Variants in GRIK1 observed in about 807,000 individuals in gnomAD.
GRIK1 encodes glutamate ionotropic receptor kainate type subunit 1.
GRIK1 carries 69 observed loss-of-function variants against 105.7 expected under a neutral mutation model. The observed-to-expected ratio is 0.65, with a 90% CI of 0.54 to 0.80. The LOEUF (loss-of-function observed/expected upper bound fraction) is 0.80. GRIK1 is among the 30% of genes least tolerant of loss of function. The pLI is 0.00. For missense variants in GRIK1, 1,109 were observed against 1,167.3 expected, an observed-to-expected ratio of 0.95 and a Z score of 0.73; for synonymous variants, 438 against 431.3, an observed-to-expected ratio of 1.02 and a Z score of -0.19.
At chr21:29,894,172 A>G (rs1452988954) in intron 1 of GRIK1, among the ~76,000 whole-genome samples, 2 of 152,142 alleles carry the variant, frequency 1.3e-5, no homozygotes, top group Non-Finnish European at 2.9e-5. Flanking sequence ...TGTATATATG[A>G]GATGGAGTTT....
In GRIK1 at chr21:29,746,194, CTGTTA is replaced by C. The variant is rs766965054; in HGVS notation, c.119-52136_119-52132del. Among the ~76,000 whole-genome samples the C allele has an allele frequency of 5.9e-5, 9 of 152,304 alleles. 1 individual carries two copies. The South Asian group carries it at 1.7e-3, about 28-fold the overall frequency. Reference sequence around the variant, plus strand: ...ACTATTTTGCACTTCTGTGTGCTGACTGTTATGTTAGGTTGCATGGTTAATTTTAA... The same window carrying C: ...ACTATTTTGCACTTCTGTGTGCTGACTGTTAGGTTGCATGGTTAATTTTAA... On this transcript the variant is annotated intron_variant, in intron 1 of 17. Transcript: ENST00000327783.
chr21:29,682,908 T>A (rs551105338), intron 3 of GRIK1, among the ~76,000 whole-genome samples: 4 of 151,952 alleles, frequency 2.6e-5, no homozygotes, highest in Admixed American at 2.6e-4. Context: ...ATATTCAGAA[T>A]CTATAAAGAA....
chr21:29,790,747 C>T (rs554653540), intron 1 of GRIK1, among the ~76,000 whole-genome samples: 1 of 152,286 alleles, frequency 6.6e-6, no homozygotes, highest in East Asian at 1.9e-4. Context: ...GGCACCATGC[C>T]CTGCCTAGTA....
chr21:29,934,779 C>T (rs959394631), intron 1 of GRIK1, among the ~76,000 whole-genome samples: 3 of 152,064 alleles, frequency 2.0e-5, no homozygotes, highest in Non-Finnish European at 2.9e-5. Flanking sequence ...AGATCACAAA[C>T]CTTACAAGAA....
At chr21:29,543,603 T>A (rs949554589) in intron 16 of GRIK1, among the ~76,000 whole-genome samples, 9 of 152,110 alleles carry the variant, frequency 5.9e-5, no homozygotes, top group African/African-American at 2.2e-4. Context: ...CCTTGGAATT[T>A]AAAAAAAGTG....
intron 1 of GRIK1, among the ~76,000 whole-genome samples, chr21:29,911,124 G>C (rs892521045): frequency 1.3e-5 from 2 of 151,872 alleles, no homozygotes; most frequent in African/African-American, 4.8e-5. Context: ...ACTCTTACAT[G>C]GGAGTTACTT....
chr21:29,741,955 G>A (rs550936127), intron 1 of GRIK1, among the ~76,000 whole-genome samples: 3 of 152,196 alleles, frequency 2.0e-5, no homozygotes, highest in Non-Finnish European at 2.9e-5. Flanking sequence ...CCTTTTGAAA[G>A]CTCTGGGTGA....
intron 1 of GRIK1, among the ~76,000 whole-genome samples, chr21:29,895,035 A>G (rs1159126407): frequency 1.3e-5 from 2 of 152,222 alleles, no homozygotes; most frequent in Non-Finnish European, 1.5e-5. Context: ...TCCTTAATCC[A>G]TGAGAATTGA....
chr21:29,578,040 T>C (rs189260015), intron 13 of GRIK1, among the ~76,000 whole-genome samples: 1 of 152,318 alleles, frequency 6.6e-6, no homozygotes, highest in African/African-American at 2.4e-5. Flanking sequence ...AAGACAAACA[T>C]CTTGAAAACG....
chr21:29,920,549 C>A lies in GRIK1; in HGVS notation c.118+18834G>T, dbSNP rs8131326. Reference sequence around the variant, plus strand: ...TTACAGGAGTTCATAGAACCATGACCCTCTCATTAATAATATTTGTCGTAG... The same window carrying A: ...TTACAGGAGTTCATAGAACCATGACACTCTCATTAATAATATTTGTCGTAG... On this transcript the variant is annotated intron_variant, in intron 1 of 17. Coordinates refer to ENST00000327783, the MANE Select transcript of GRIK1 (RefSeq NM_001330994.2). 1.9e-3 allele frequency among the ~76,000 whole-genome samples: 294 copies of A among 152,074 alleles called. 2 individuals carry two copies. The highest frequency in any genetic ancestry group is 6.7e-3 in the African/African-American group (277 of 41,460).
At chr21:29,826,382 T>C (rs1444212362) in intron 1 of GRIK1, among the ~76,000 whole-genome samples, 1 of 152,070 alleles carries the variant, frequency 6.6e-6, no homozygotes, top group Non-Finnish European at 1.5e-5. Flanking sequence ...TCCCATGAGG[T>C]TGTTTTCAGA....
At chr21:29,565,653 C>T (rs918343980) in intron 14 of GRIK1, among the ~76,000 whole-genome samples, 7 of 152,150 alleles carry the variant, frequency 4.6e-5, no homozygotes, top group Admixed American at 1.3e-4. Context: ...AGGCTGGTCT[C>T]GAACTGCTGA....
intron 7 of GRIK1, among the ~76,000 whole-genome samples, chr21:29,604,209 G>A (rs1014822636): frequency 3.0e-4 from 45 of 151,958 alleles, no homozygotes; most frequent in African/African-American, 1.1e-3. Flanking sequence ...CCCACTTCTC[G>A]CTTTTTCTCC....
At chr21:29,560,364 T>TCTTTTTCTTTCTTC (rs2090394814) in intron 15 of GRIK1, among the ~76,000 whole-genome samples, 6 of 35,928 alleles carry the variant, frequency 1.7e-4, no homozygotes, top group South Asian at 1.3e-3. Flanking sequence ...TCTTTTTCTT[T>TCTTTTTCTTTCTTC]CTTCCTTCCT....
intron 1 of GRIK1, among the ~76,000 whole-genome samples, chr21:29,744,015 A>C (rs1325144485): frequency 2.0e-5 from 3 of 152,242 alleles, no homozygotes; most frequent in African/African-American, 7.2e-5. Flanking sequence ...TAATCTGTAC[A>C]ACAAACCCCC....
At chr21:29,807,454 C>T (rs912134197) in intron 1 of GRIK1, among the ~76,000 whole-genome samples, 1 of 152,056 alleles carries the variant, frequency 6.6e-6, no homozygotes, top group Non-Finnish European at 1.5e-5. Flanking sequence ...CATTCTTCCT[C>T]TTACAGATGT....
At chr21:29,705,913 A>G (rs11910617) in intron 1 of GRIK1, among the ~76,000 whole-genome samples, 2,389 of 137,024 alleles carry the variant, frequency 0.017, 69 homozygotes, top group African/African-American at 0.062. Flanking sequence ...TTGCTCTGTC[A>G]CCCAGGCTGC....
chr21:29,671,111 CTTTATTTTAT>C (rs933268476), intron 4 of GRIK1, among the ~76,000 whole-genome samples: 41 of 152,032 alleles, frequency 2.7e-4, no homozygotes, highest in African/African-American at 9.6e-4. Context: ...GTGTTCCCAA[CTTTATTTTAT>C]TTTATTTTAT....
chr21:29,607,725 T>G (rs2061651635), intron 7 of GRIK1, among the ~76,000 whole-genome samples: 1 of 152,194 alleles, frequency 6.6e-6, no homozygotes, highest in Non-Finnish European at 1.5e-5. Flanking sequence ...CTGATGTACT[T>G]TTTTGTTTTA....
Sources: gnomAD v4.1 joint callset for allele counts (sites outside exome capture counted in the v4.1 genomes callset) on GRCh38, gnomAD v4.1.1 for gene constraint, MANE v1.5 for transcripts, NCBI Gene and HGNC (gene_info 2026-07-23, HGNC 2026-07-21) for gene names.